Variants in CEP135 observed in about 807,000 individuals in gnomAD.
The protein encoded by CEP135 is centrosomal protein of 135 kDa.
CEP135 carries 142 observed loss-of-function variants against 157.3 expected under a neutral mutation model. The ratio of observed to expected loss-of-function variants is 0.90; its 90% CI spans 0.79 to 1.04. The LOEUF is 1.04. CEP135 is among the 50% of genes least tolerant of loss of function. CEP135 has a pLI of 0.00. For synonymous variants in CEP135, 396 were observed against 439.8 expected (o/e 0.90, Z 1.25); for missense variants, 1,317 against 1,309.2 (o/e 1.01, Z -0.09).
chr4:55,951,222 A>C (rs1728353381), intron 1 of CEP135, among the ~76,000 whole-genome samples: 1 of 152,220 alleles, frequency 6.6e-6, no homozygotes, highest in African/African-American at 2.4e-5. Context: ...ATTCTTGTAG[A>C]GTATTTTTGT....
intron 25 of CEP135, among the ~76,000 whole-genome samples, chr4:56,026,246 G>A (rs1731155508): frequency 6.6e-6 from 1 of 151,956 alleles, no homozygotes; most frequent in Non-Finnish European, 1.5e-5. Flanking sequence ...GGAGACTGAG[G>A]TTGCAGGACT....
intron 7 of CEP135, chr4:55,964,845 A>C (rs2109655965): frequency 6.6e-6 from 1 of 151,162 alleles, no homozygotes; most frequent in South Asian, 2.1e-4. Flanking sequence ...TATAATGTAA[A>C]AATTTAAAAA....
intron 4 of CEP135, among the ~76,000 whole-genome samples, chr4:55,956,441 C>G (rs545054874): frequency 1.3e-5 from 2 of 152,320 alleles, no homozygotes; most frequent in Admixed American, 1.3e-4. Flanking sequence ...CAGATTATAG[C>G]ATGACTTTAT....
At chr4:55,983,586 G>T (rs1729479893) in intron 13 of CEP135, among the ~76,000 whole-genome samples, 1 of 151,402 alleles carries the variant, frequency 6.6e-6, no homozygotes, top group Admixed American at 6.6e-5. Flanking sequence ...GTTCTATTAA[G>T]TGCTTTTTAC....
At position 56,020,719 on chromosome 4, in the gene CEP135, G is replaced by T. The variant is rs1168341025; in HGVS notation, c.3259G>T (p.Ala1087Ser). 1 of 1,613,652 alleles carries T rather than the reference G, an allele frequency of 6.2e-7. No homozygotes were observed. Among genetic ancestry groups the T allele is most frequent in the Non-Finnish European group, 8.5e-7 (1 of 1,179,768 alleles). The part of the protein sequence containing the change: ...RENTMLRAKV[A>S]QLQTDYDALK... ...AAACACCATGCTTCGAGCTAAAGTG[G>T]CACAGTTACAAACAGATTATGATGC... Residue 1087 changes from alanine (A) to serine (S), a missense_variant, in exon 24 of 26, where the codon GCA (alanine) becomes TCA (serine). By Grantham distance (99) the Ala-to-Ser change is moderately conservative (BLOSUM62 1). Coordinates refer to ENST00000257287, the MANE Select transcript of CEP135 (RefSeq NM_025009.5).
At chr4:56,029,031 G>A (rs113413680) in intron 25 of CEP135, among the ~76,000 whole-genome samples, 2 of 152,278 alleles carry the variant, frequency 1.3e-5, no homozygotes, top group African/African-American at 4.8e-5. Flanking sequence ...TGCTAGAGCA[G>A]CTCACAGAAC....
rs1041978326 is a variant in CEP135, at chr4:55,999,525, G to A, written c.2160G>A (p.Glu720=). Residue 720 remains glutamate, a synonymous_variant, in exon 17 of 26, where the codon GAG becomes GAA. Transcript: ENST00000257287. ...ACCTTAAGATGACTTCACAGGATGA[G>A]GAGGCTCATGTAATGAAAAAGACCA... ...ELNLKMTSQD[E]EAHVMKKTIG... is the part of the protein sequence containing the mutation. 5 of 1,611,336 alleles carry A rather than the reference G, an allele frequency of 3.1e-6. No homozygotes were observed. In the African/African-American group the frequency reaches 4.0e-5, roughly 13 times the overall value.
intron 6 of CEP135, among the ~76,000 whole-genome samples, chr4:55,961,933 T>TA (rs1728694898): frequency 3.3e-5 from 5 of 152,094 alleles, no homozygotes; most frequent in Admixed American, 3.3e-4. Flanking sequence ...GCCTGTGCTC[T>TA]TGACCCCATT....
At chr4:55,970,848 C>A (rs1161353341) in intron 9 of CEP135, among the ~76,000 whole-genome samples, 1 of 152,122 alleles carries the variant, frequency 6.6e-6, no homozygotes, top group African/African-American at 2.4e-5. Flanking sequence ...TCCTTAGTGT[C>A]CTGGTCTTAT....
At chr4:56,025,000 A>C (rs1361538752) in intron 25 of CEP135, among the ~76,000 whole-genome samples, 2 of 152,048 alleles carry the variant, frequency 1.3e-5, no homozygotes, top group African/African-American at 4.8e-5. Flanking sequence ...TTAGCCAGGC[A>C]TGGTGGCACA....
intron 15 of CEP135, among the ~76,000 whole-genome samples, chr4:55,996,495 G>A (rs1729975418): frequency 6.6e-6 from 1 of 152,166 alleles, no homozygotes; most frequent in Non-Finnish European, 1.5e-5. Flanking sequence ...GGATGGCTGA[G>A]TTTGTGGATC....
chr4:56,017,553 A>C, intron 21 of CEP135, 95 bp from the exon 22 acceptor site: 1 of 1,140,908 alleles, frequency 8.8e-7, no homozygotes, highest in Non-Finnish European at 1.2e-6. Flanking sequence ...TGGCTGTCAT[A>C]TTTTTCTAAA....
chr4:55,956,616 C>CTT (rs1223659394), intron 4 of CEP135, among the ~76,000 whole-genome samples: 1 of 146,672 alleles, frequency 6.8e-6, no homozygotes, highest in African/African-American at 2.5e-5. Flanking sequence ...GCACATTCAG[C>CTT]TTTTTTTTTT....
At chr4:56,016,770 G>T (rs1349699082) in intron 21 of CEP135, among the ~76,000 whole-genome samples, 1 of 152,008 alleles carries the variant, frequency 6.6e-6, no homozygotes, top group Non-Finnish European at 1.5e-5. Context: ...TGAACTCGTG[G>T]GCTCAGGTGA....
intron 8 of CEP135, among the ~76,000 whole-genome samples, chr4:55,968,599 C>T (rs1197587693): frequency 6.6e-6 from 1 of 152,190 alleles, no homozygotes; most frequent in African/African-American, 2.4e-5. Context: ...CTAAACACAG[C>T]TTCCCATGTC....
At chr4:56,031,225 CTG>C (rs1392719052) in intron 25 of CEP135, 133 bp from the exon 26 acceptor site, 2 of 152,536 alleles carry the variant, frequency 1.3e-5, no homozygotes, top group African/African-American at 2.4e-5. Context: ...TTAAATATAA[CTG>C]GATGTGGGGC....
intron 21 of CEP135, among the ~76,000 whole-genome samples, chr4:56,013,190 C>T (rs1730652401): frequency 6.6e-6 from 1 of 152,150 alleles, no homozygotes; most frequent in South Asian, 2.1e-4. Flanking sequence ...TGTGTATCTT[C>T]TTTGGAGACA....
chr4:55,996,168 C>T (rs769633535), intron 15 of CEP135, among the ~76,000 whole-genome samples: 1 of 152,156 alleles, frequency 6.6e-6, no homozygotes, highest in Non-Finnish European at 1.5e-5. Context: ...CTCTGTCAGG[C>T]TGGAGTGCAG....
At chr4:56,012,115 T>C (rs1313327382) in intron 21 of CEP135, 130 bp downstream of exon 21, 3 of 555,982 alleles carry the variant, frequency 5.4e-6, no homozygotes, top group East Asian at 3.6e-5. Flanking sequence ...TGGAGTGCAA[T>C]GGCACGATCT....
Sources: allele counts gnomAD v4.1 joint callset (sites outside exome capture counted in the v4.1 genomes callset), GRCh38; gene constraint gnomAD v4.1.1; transcripts MANE v1.5; gene names NCBI Gene and HGNC (gene_info 2026-07-23, HGNC 2026-07-21).